GTF2IRD2: variants seen among roughly 807,000 people sequenced by gnomAD.
GTF2IRD2 encodes the protein general transcription factor II-I repeat domain-containing protein 2A.
GTF2IRD2 carries 8 observed loss-of-function variants against 49.2 expected under a neutral mutation model. That is an observed-to-expected ratio of 0.16 (90% CI 0.10 to 0.29). The LOEUF (loss-of-function observed/expected upper bound fraction) is 0.29, where lower values mean the gene tolerates loss of function less well. Ranked by LOEUF, GTF2IRD2 falls within the 10% of genes least tolerant of loss-of-function variation. The pLI is 1.00. For missense variants in GTF2IRD2, 130 were observed against 725.7 expected (o/e 0.18, Z 9.43); for synonymous variants, 47 against 289.7 (o/e 0.16, Z 8.51).
At chr7:74,826,962 C>T (rs1486759986) in intron 3 of GTF2IRD2, among the ~76,000 whole-genome samples, 1 of 151,988 alleles carries the variant, frequency 6.6e-6, no homozygotes, top group Non-Finnish European at 1.5e-5. Flanking sequence ...TCCATCGCCT[C>T]GGCCTCCCAA....
At chr7:74,815,312 G>A (rs1335344187) in intron 8 of GTF2IRD2, among the ~76,000 whole-genome samples, 1 of 81,320 alleles carries the variant, frequency 1.2e-5, no homozygotes, top group African/African-American at 3.0e-5. Context: ...CCAGCCAGGT[G>A]TGGTGGTGGG....
At chr7:74,821,983 C>G (rs1798927387) in intron 6 of GTF2IRD2, 3 of 287,484 alleles carry the variant, frequency 1.0e-5, no homozygotes, top group Non-Finnish European at 2.0e-5. Flanking sequence ...CACATGTGTG[C>G]CACAATGGCT....
chr7:74,818,933 G>GT (rs869240172), intron 8 of GTF2IRD2: 1,790 of 147,610 alleles, frequency 0.012, 71 homozygotes, highest in African/African-American at 0.042. Flanking sequence ...TTTTGTTTTT[G>GT]TTTTTTTTTG....
At chr7:74,831,273 TTATC>T (rs1225291478) in intron 3 of GTF2IRD2, among the ~76,000 whole-genome samples, 1 of 150,784 alleles carries the variant, frequency 6.6e-6, no homozygotes, top group African/African-American at 2.4e-5. Flanking sequence ...CCTGTCTCCC[TTATC>T]TATCCATCCA....
intron 2 of GTF2IRD2, among the ~76,000 whole-genome samples, chr7:74,834,668 T>C (rs1800142627): frequency 9.0e-6 from 1 of 110,968 alleles, no homozygotes; most frequent in Non-Finnish European, 1.7e-5. Flanking sequence ...CCACCCTGCC[T>C]ACCCCTAATG....
At chr7:74,798,407 C>A (rs1797193340) in intron 15 of GTF2IRD2, 142 bp from the exon 16 acceptor site, 2 of 613,868 alleles carry the variant, frequency 3.3e-6, no homozygotes, top group Non-Finnish European at 3.0e-6. Flanking sequence ...GGTGACCCAC[C>A]CTGCAGAGGG....
chr7:74,842,125 CAA>C (rs1160646123), intron 1 of GTF2IRD2, among the ~76,000 whole-genome samples: 1 of 44,256 alleles, frequency 2.3e-5, no homozygotes. Flanking sequence ...CTCCGTCTCA[CAA>C]AAAAAACAAA....
intron 9 of GTF2IRD2, among the ~76,000 whole-genome samples, chr7:74,811,368 TA>T (rs1209294709): frequency 7.9e-4 from 101 of 127,398 alleles, no homozygotes; most frequent in African/African-American, 2.4e-3. Flanking sequence ...AGACTCTGTC[TA>T]AAAAAAAACA....
intron 10 of GTF2IRD2, among the ~76,000 whole-genome samples, chr7:74,809,863 G>A (rs1318438222): frequency 7.5e-5 from 8 of 106,388 alleles, no homozygotes; most frequent in Admixed American, 2.1e-4. Context: ...GTGCGATTTC[G>A]GCTCACTGCA....
chr7:74,797,499 C>T lies in GTF2IRD2; in HGVS notation c.2013G>A (p.Met671Ile), dbSNP rs1452002810. The T allele has an allele frequency of 1.1e-5, 17 of 1,602,366 alleles. 1 individual carries two copies. Among genetic ancestry groups the T allele is most frequent in the Non-Finnish European group, 1.5e-5 (17 of 1,172,352 alleles). The change falls in exon 16 of 16, where the codon ATG becomes ATA. Residue 671 changes from methionine to isoleucine, a missense_variant. By Grantham distance (10) the Met-to-Ile change is conservative. Transcript: ENST00000451013. The part of the protein sequence containing the change: ...CAQKLKMDHV[M>I]DVVVKSVNWI... ...AGTTCACGGACTTCACTACCACGTCCATGACGTGGTCCATCTTCAACTTCT... is the reference window on the plus strand; with the variant it reads ...AGTTCACGGACTTCACTACCACGTCTATGACGTGGTCCATCTTCAACTTCT...
At chr7:74,826,699 CTTTTTTTTTTTTT>C (rs1175596623) in intron 3 of GTF2IRD2, among the ~76,000 whole-genome samples, 21 of 16,598 alleles carry the variant, frequency 1.3e-3, no homozygotes, top group African/African-American at 6.0e-3. Context: ...TCATTTCATT[CTTTTTTTTTTTTT>C]TTTTTTTTTT....
At chr7:74,806,783 CGTT>C (rs1797809071) in intron 12 of GTF2IRD2, 148 bp downstream of exon 12, 1 of 132,108 alleles carries the variant, frequency 7.6e-6, no homozygotes, top group African/African-American at 3.1e-5. Context: ...GCAAGATGCT[CGTT>C]GTGTAGCAAC....
At position 74,796,918 on chromosome 7, in the gene GTF2IRD2, A is replaced by G; in HGVS notation, c.2594T>C (p.Leu865Pro). 1.6e-6 allele frequency: 1 copy of G among 643,558 alleles called. No homozygotes were observed. Among genetic ancestry groups the G allele is most frequent in the Non-Finnish European group, 2.8e-6 (1 of 356,546 alleles). The allele number at this position is 643,558 out of a possible 1,614,324, so 39.9% of individuals were successfully genotyped here. ...TTGCAGGTCGATAACCTCCATCTGG[A>G]GCTCCTCGTGCACACTGTCGATCTT... ...STKIDSVHEE[L>P]QMEVIDLQCN... The change falls in exon 16 of 16, where the codon CTC becomes CCC. Residue 865 changes from leucine (L) to proline (P), a missense_variant. Transcript: ENST00000451013.
At chr7:74,839,208 G>GCA (rs1800565870) in intron 1 of GTF2IRD2, among the ~76,000 whole-genome samples, 1 of 31,946 alleles carries the variant, frequency 3.1e-5, no homozygotes, top group Non-Finnish European at 5.1e-5. Flanking sequence ...GATTACAGGT[G>GCA]TGAGCCACCG....
chr7:74,831,396 T>C (rs1289792372), intron 3 of GTF2IRD2, among the ~76,000 whole-genome samples: 6 of 149,858 alleles, frequency 4.0e-5, no homozygotes, highest in East Asian at 1.9e-4. Flanking sequence ...TCTCTCTTAT[T>C]TATCTATCTA....
intron 1 of GTF2IRD2, among the ~76,000 whole-genome samples, chr7:74,845,510 C>CG (rs1801204634): frequency 6.6e-6 from 1 of 151,462 alleles, no homozygotes; most frequent in Non-Finnish European, 1.5e-5. Context: ...AGGCTGGTCT[C>CG]GAACTCCTGG....
chr7:74,825,650 G>A (rs1799309234), intron 3 of GTF2IRD2, among the ~76,000 whole-genome samples: 3 of 149,062 alleles, frequency 2.0e-5, no homozygotes, highest in Non-Finnish European at 1.5e-5. Context: ...ACCAGCCCCA[G>A]AATCAATTGC....
At chr7:74,800,212 T>G (rs1397472564) in intron 15 of GTF2IRD2, among the ~76,000 whole-genome samples, 1 of 140,510 alleles carries the variant, frequency 7.1e-6, no homozygotes, top group African/African-American at 2.6e-5. Flanking sequence ...TTTTCTTTTC[T>G]TTTCTTTTTT....
At chr7:74,830,644 C>T (rs587619979) in intron 3 of GTF2IRD2, among the ~76,000 whole-genome samples, 1 of 140,994 alleles carries the variant, frequency 7.1e-6, no homozygotes, top group Non-Finnish European at 1.5e-5. Context: ...CACATGTTCT[C>T]ACTTGTAAGT....
Sources: gnomAD v4.1 joint callset for allele counts (sites outside exome capture counted in the v4.1 genomes callset) on GRCh38, gnomAD v4.1.1 for gene constraint, MANE v1.5 for transcripts, NCBI Gene and HGNC (gene_info 2026-07-23, HGNC 2026-07-21) for gene names.